SMYD3: variants seen among roughly 807,000 people sequenced by gnomAD.
SMYD3 encodes SET and MYND domain containing 3.
Under a neutral mutation model 57.7 loss-of-function variants are expected in SMYD3, and 36 were observed. The observed-to-expected ratio is 0.62, with a 90% CI of 0.48 to 0.82. The LOEUF is 0.82. SMYD3 is among the 40% of genes least tolerant of loss of function. SMYD3 has a pLI of 0.00. For missense variants in SMYD3, 515 were observed against 538.8 expected (o/e 0.96, Z 0.44); for synonymous variants, 211 against 195.0 (o/e 1.08, Z -0.68).
intron 5 of SMYD3, among the ~76,000 whole-genome samples, chr1:246,237,012 G>A (rs915103190): frequency 6.6e-6 from 1 of 152,114 alleles, no homozygotes; most frequent in Non-Finnish European, 1.5e-5. Flanking sequence ...GCTACCACTT[G>A]ATGAAGAAAA....
At chr1:246,182,337 C>T (rs1361027313) in intron 5 of SMYD3, among the ~76,000 whole-genome samples, 2 of 152,162 alleles carry the variant, frequency 1.3e-5, no homozygotes, top group East Asian at 1.9e-4. Context: ...CTCTCGACTT[C>T]TCTATCACCT....
At chr1:246,227,866 A>C (rs1167627832) in intron 5 of SMYD3, among the ~76,000 whole-genome samples, 5 of 152,166 alleles carry the variant, frequency 3.3e-5, no homozygotes, top group Non-Finnish European at 7.4e-5. Context: ...ATCTCTAAAA[A>C]TCTGTGATAA....
chr1:246,261,234 A>G (rs1404558534), intron 5 of SMYD3, among the ~76,000 whole-genome samples: 5 of 151,450 alleles, frequency 3.3e-5, no homozygotes, highest in Non-Finnish European at 7.4e-5. Flanking sequence ...AATTTTTTGT[A>G]TTTTTAGTAG....
chr1:246,234,976 A>G (rs60410010), intron 5 of SMYD3, among the ~76,000 whole-genome samples: 31,477 of 152,048 alleles, frequency 0.21, 3,949 homozygotes, highest in East Asian at 0.58. Flanking sequence ...AGGTGTGAAA[A>G]TGCACAGATT....
intron 5 of SMYD3, among the ~76,000 whole-genome samples, chr1:246,026,936 T>C (rs1303118152): frequency 6.6e-6 from 1 of 152,160 alleles, no homozygotes; most frequent in Non-Finnish European, 1.5e-5. Context: ...TTAGCCAACT[T>C]GTAAATGCAA....
intron 5 of SMYD3, among the ~76,000 whole-genome samples, chr1:246,101,655 C>A (rs1039702414): frequency 6.6e-6 from 1 of 152,180 alleles, no homozygotes; most frequent in Middle Eastern, 3.4e-3. Context: ...TGTTCATATG[C>A]GGTTAGGTTC....
intron 10 of SMYD3, among the ~76,000 whole-genome samples, chr1:245,778,071 A>C (rs1202509357): frequency 6.6e-6 from 1 of 152,192 alleles, no homozygotes; most frequent in Non-Finnish European, 1.5e-5. Flanking sequence ...ACCATTTAAA[A>C]ATGAAGGTGA....
intron 1 of SMYD3, among the ~76,000 whole-genome samples, chr1:246,404,635 C>T (rs1171112590): frequency 6.6e-6 from 1 of 152,174 alleles, no homozygotes; most frequent in African/African-American, 2.4e-5. Flanking sequence ...CCTGCAAGCA[C>T]TTGATCTCTG....
At chr1:246,272,586 T>G (rs1436188523) in intron 5 of SMYD3, among the ~76,000 whole-genome samples, 2 of 152,220 alleles carry the variant, frequency 1.3e-5, no homozygotes, top group Admixed American at 1.3e-4. Context: ...TATATTACAC[T>G]GATTGATTTT....
chr1:246,136,127 C>T lies in SMYD3; in HGVS notation c.531+191074G>A, dbSNP rs548400873. The stretch of plus-strand genomic sequence containing the variant: ...AGGAACTGCACATGTTCCCAAACCA[C>T]CATTTCAAATTAGCACCAACAGATT... On this transcript the variant is annotated intron_variant, in intron 5 of 11. Coordinates refer to ENST00000490107, the MANE Select transcript of SMYD3 (RefSeq NM_001167740.2). Among the ~76,000 whole-genome samples, 53 of 152,298 alleles carry T rather than the reference C, an allele frequency of 3.5e-4. 1 individual carries two copies. The highest frequency in any genetic ancestry group is 1.2e-3 in the African/African-American group (48 of 41,578).
chr1:245,754,999 G>A (rs2817513), intron 11 of SMYD3, among the ~76,000 whole-genome samples: 71,805 of 152,030 alleles, frequency 0.47, 18,831 homozygotes, highest in African/African-American at 0.69. Context: ...AGTGGTAGTA[G>A]CCATTCCAGA....
intron 5 of SMYD3, among the ~76,000 whole-genome samples, chr1:246,121,259 T>C (rs2148025579): frequency 6.6e-6 from 1 of 152,180 alleles, no homozygotes; most frequent in East Asian, 1.9e-4. Context: ...CCAGTAAATG[T>C]GTAGCAACAA....
intron 1 of SMYD3, among the ~76,000 whole-genome samples, chr1:246,493,610 T>G (rs2068304990): frequency 6.6e-6 from 1 of 152,180 alleles, no homozygotes; most frequent in African/African-American, 2.4e-5. Flanking sequence ...AACTTACTAC[T>G]GGGAGATCAC....
chr1:246,155,647 C>A (rs2062010330), intron 5 of SMYD3, among the ~76,000 whole-genome samples: 1 of 152,152 alleles, frequency 6.6e-6, no homozygotes, highest in African/African-American at 2.4e-5. Context: ...AAGTGAAGAT[C>A]TGCTTCATGC....
intron 1 of SMYD3, among the ~76,000 whole-genome samples, chr1:246,404,798 CAT>C (rs955333292): frequency 6.6e-6 from 1 of 152,136 alleles, no homozygotes; most frequent in African/African-American, 2.4e-5. Flanking sequence ...TCAATAACCA[CAT>C]GTGACTACTG....
intron 5 of SMYD3, among the ~76,000 whole-genome samples, chr1:245,937,825 G>C (rs1464743934): frequency 6.6e-6 from 1 of 152,170 alleles, no homozygotes; most frequent in Non-Finnish European, 1.5e-5. Flanking sequence ...AAGTGGTGTG[G>C]AAATCCACCC....
chr1:246,039,414 G>A (rs2059830670), intron 5 of SMYD3, among the ~76,000 whole-genome samples: 1 of 152,198 alleles, frequency 6.6e-6, no homozygotes, highest in African/African-American at 2.4e-5. Flanking sequence ...ATTAGAAAAT[G>A]TGTATTTACC....
chr1:246,492,377 A>G (rs2103069806), intron 1 of SMYD3, among the ~76,000 whole-genome samples: 1 of 152,336 alleles, frequency 6.6e-6, no homozygotes, highest in South Asian at 2.1e-4. Flanking sequence ...GCTAAAGCTA[A>G]GAACCGGTAT....
At chr1:246,205,373 G>C (rs559562597) in intron 5 of SMYD3, among the ~76,000 whole-genome samples, 1 of 152,264 alleles carries the variant, frequency 6.6e-6, no homozygotes, top group South Asian at 2.1e-4. Context: ...CTCCCTCCTG[G>C]AGTCCTTTCC....
Sources: allele counts gnomAD v4.1 joint callset (sites outside exome capture counted in the v4.1 genomes callset), GRCh38; gene constraint gnomAD v4.1.1; transcripts MANE v1.5; gene names NCBI Gene and HGNC (gene_info 2026-07-23, HGNC 2026-07-21).